Variants in ZDHHC14 observed in about 807,000 individuals in gnomAD.
ZDHHC14 encodes palmitoyltransferase ZDHHC14.
ZDHHC14 carries 16 observed loss-of-function variants against 47.7 expected under a neutral mutation model. That is an observed-to-expected ratio of 0.34 (90% CI 0.23 to 0.51). The LOEUF (loss-of-function observed/expected upper bound fraction) is 0.51, where lower values mean the gene tolerates loss of function less well. Ranked by LOEUF, ZDHHC14 falls within the 20% of genes least tolerant of loss-of-function variation. The probability of loss-of-function intolerance (pLI) is 0.97; values close to 1 mark genes in which losing one functional copy is unlikely to be tolerated. For missense variants in ZDHHC14, 515 were observed against 662.5 expected, an observed-to-expected ratio of 0.78 and a Z score of 2.44; for synonymous variants, 293 against 278.9, an observed-to-expected ratio of 1.05 and a Z score of -0.50.
At chr6:157,524,754 A>G (rs1434977930) in intron 1 of ZDHHC14, among the ~76,000 whole-genome samples, 1 of 152,196 alleles carries the variant, frequency 6.6e-6, no homozygotes, top group Admixed American at 6.5e-5. Context: ...ATCAGAGGAA[A>G]CTGTAGGTAG....
chr6:157,572,532 TG>T (rs1783139444), intron 2 of ZDHHC14, among the ~76,000 whole-genome samples: 1 of 152,040 alleles, frequency 6.6e-6, no homozygotes, highest in Middle Eastern at 3.2e-3. Context: ...TTAGGGTACA[TG>T]TGCACAACGT....
At chr6:157,579,801 G>C (rs141305576) in intron 2 of ZDHHC14, among the ~76,000 whole-genome samples, 229 of 152,260 alleles carry the variant, frequency 1.5e-3, no homozygotes, top group African/African-American at 5.2e-3. Context: ...AGACTCTGGG[G>C]TTTTCCAGAT....
At chr6:157,401,605 C>A (rs1488484981) in intron 1 of ZDHHC14, among the ~76,000 whole-genome samples, 1 of 147,010 alleles carries the variant, frequency 6.8e-6, no homozygotes, top group Non-Finnish European at 1.5e-5. Context: ...GGTCTCACTG[C>A]AGTAGTGAGA....
At chr6:157,538,855 C>T (rs978149565) in intron 1 of ZDHHC14, among the ~76,000 whole-genome samples, 3 of 152,174 alleles carry the variant, frequency 2.0e-5, no homozygotes, top group African/African-American at 2.4e-5. Flanking sequence ...GGACAGGCAG[C>T]GCTGGCGGTG....
At chr6:157,668,579 A>T (rs1428268638) in intron 8 of ZDHHC14, among the ~76,000 whole-genome samples, 1 of 151,618 alleles carries the variant, frequency 6.6e-6, no homozygotes, top group Non-Finnish European at 1.5e-5. Context: ...GCGTGCCTGT[A>T]GTCCCAGCTA....
At chr6:157,401,403 A>T (rs2749673) in intron 1 of ZDHHC14, among the ~76,000 whole-genome samples, 123,088 of 152,242 alleles carry the variant, frequency 0.81, 49,940 homozygotes, top group Middle Eastern at 0.92. Flanking sequence ...ATACAAGGGT[A>T]GAACTGGTTA....
chr6:157,530,551 C>T (rs1781326179), intron 1 of ZDHHC14, among the ~76,000 whole-genome samples: 1 of 152,182 alleles, frequency 6.6e-6, no homozygotes, highest in African/African-American at 2.4e-5. Context: ...GCTGTCTTTG[C>T]CTGATAGTCT....
chr6:157,519,403 C>T (rs1029356307), intron 1 of ZDHHC14, among the ~76,000 whole-genome samples: 3 of 151,602 alleles, frequency 2.0e-5, no homozygotes, highest in Non-Finnish European at 4.4e-5. Flanking sequence ...GAGAGGCTTT[C>T]CTCACTGGAG....
At chr6:157,540,880 A>ATGTGTGTGTGTGTGTGTGTG (rs1227856788) in intron 1 of ZDHHC14, among the ~76,000 whole-genome samples, 1 of 131,846 alleles carries the variant, frequency 7.6e-6, no homozygotes, top group Admixed American at 7.5e-5. Context: ...ATAGATATAT[A>ATGTGTGTGTGTGTGTGTGTG]TGTATGTATG....
intron 1 of ZDHHC14, among the ~76,000 whole-genome samples, chr6:157,507,728 G>T (rs1474923): frequency 6.6e-6 from 1 of 151,856 alleles, no homozygotes; most frequent in African/African-American, 2.4e-5. Flanking sequence ...CACTGCTGTC[G>T]CTCCAGAGTC....
At chr6:157,420,505 C>G (rs971420516) in intron 1 of ZDHHC14, among the ~76,000 whole-genome samples, 1 of 150,806 alleles carries the variant, frequency 6.6e-6, no homozygotes, top group African/African-American at 2.4e-5. Context: ...TGGGCTGAAT[C>G]GAGGCACTAA....
At chr6:157,559,812 T>A (rs1171443350) in intron 2 of ZDHHC14, among the ~76,000 whole-genome samples, 1 of 152,184 alleles carries the variant, frequency 6.6e-6, no homozygotes, top group African/African-American at 2.4e-5. Context: ...TCTTTCTACA[T>A]TGTGTCAAGT....
chr6:157,606,212 C>G (rs924393802), intron 3 of ZDHHC14, among the ~76,000 whole-genome samples: 46 of 152,116 alleles, frequency 3.0e-4, no homozygotes, highest in Non-Finnish European at 4.4e-5. Flanking sequence ...TGCCTGTAAT[C>G]CAAGCACTTT....
chr6:157,671,816 C>G (rs1345335166), intron 8 of ZDHHC14, among the ~76,000 whole-genome samples: 2 of 152,176 alleles, frequency 1.3e-5, no homozygotes, highest in Non-Finnish European at 2.9e-5. Context: ...TAGGCTTTTA[C>G]CAAACAGTCT....
intron 1 of ZDHHC14, among the ~76,000 whole-genome samples, chr6:157,473,988 CTT>C (rs34287258): frequency 7.7e-4 from 91 of 118,562 alleles, no homozygotes; most frequent in Middle Eastern, 4.4e-3. Context: ...ATTTTCTTTT[CTT>C]TTTTTTTTTT....
rs755645927 is a variant in ZDHHC14, at chr6:157,656,706, C to CAA, written c.1068+3090_1068+3091dup. Among the ~76,000 whole-genome samples the CAA allele has an allele frequency of 4.6e-4, 59 of 129,230 alleles. 1 individual carries two copies. Among genetic ancestry groups the CAA allele is most frequent in the Admixed American group, 8.9e-4 (11 of 12,314 alleles). 84.8% of individuals were successfully genotyped at this position (129,230 alleles called of 152,430 possible). The stretch of plus-strand genomic sequence containing the variant: ...ACTGTGTCAGGAAGCTTGAAGATAC[C>CAA]AAAAAAAAAAAACAAAAAAAAAAAA... On this transcript the variant is annotated intron_variant, in intron 8 of 8. Transcript: ENST00000359775.
chr6:157,484,481 T>TATAC (rs1554260680), intron 1 of ZDHHC14, among the ~76,000 whole-genome samples: 1 of 146,260 alleles, frequency 6.8e-6, no homozygotes, highest in African/African-American at 2.5e-5. Context: ...TATTTATATA[T>TATAC]ACACACACAA....
rs746915331 is a variant in ZDHHC14 at position 157,582,546 on chromosome 6, C to G, written c.407-10442C>G. On this transcript the variant is annotated intron_variant, in intron 2 of 8. Transcript: ENST00000359775. This position sits in a 1 kb window ranked among gnomAD's most constrained non-coding sequence, Gnocchi z 4.3. ...TTGGAAATTCTTTTCTTTAAGAATG[C>G]TGAATATAGCCTGATCTCTTCTGGC... is the stretch of plus-strand genomic sequence containing the variant. Among the ~76,000 whole-genome samples, 1 of 152,164 alleles carries G rather than the reference C, an allele frequency of 6.6e-6. No homozygotes were observed. The highest frequency in any genetic ancestry group is 1.5e-5 in the Non-Finnish European group (1 of 68,030).
chr6:157,451,897 G>T (rs1474308511), intron 1 of ZDHHC14, among the ~76,000 whole-genome samples: 2 of 152,182 alleles, frequency 1.3e-5, no homozygotes, highest in African/African-American at 4.8e-5. Flanking sequence ...ATATATTTTT[G>T]AGGGGAAGCA....
Sources: gnomAD v4.1 joint callset for allele counts (sites outside exome capture counted in the v4.1 genomes callset) on GRCh38, gnomAD v4.1.1 for gene constraint, Gnocchi (gnomAD v3.1) non-coding constraint, MANE v1.5 for transcripts, NCBI Gene and HGNC (gene_info 2026-07-23, HGNC 2026-07-21) for gene names.